Variants in PDE1C observed in about 807,000 individuals in gnomAD.
PDE1C encodes the protein dual specificity calcium/calmodulin-dependent 3',5'-cyclic nucleotide phosphodiesterase 1C.
Under a neutral mutation model 93.1 loss-of-function variants are expected in PDE1C, and 62 were observed. The ratio of observed to expected loss-of-function variants is 0.67; its 90% CI spans 0.54 to 0.82. PDE1C has a LOEUF of 0.82. Among genes scored for constraint, PDE1C ranks in the 40% least tolerant of loss-of-function variants. The probability of loss-of-function intolerance (pLI) is 0.00; values close to 1 mark genes in which losing one functional copy is unlikely to be tolerated. For missense variants in PDE1C, 742 were observed against 884.6 expected (o/e 0.84, Z 2.04); for synonymous variants, 325 against 310.1 (o/e 1.05, Z -0.50).
chr7:31,759,048 G>A (rs1218137754), intron 17 of PDE1C, among the ~76,000 whole-genome samples: 2 of 152,208 alleles, frequency 1.3e-5, no homozygotes, highest in Non-Finnish European at 2.9e-5. Flanking sequence ...TGCAAATAGA[G>A]TTGAACCTGC....
chr7:31,826,302 T>C (rs769665648), intron 12 of PDE1C, among the ~76,000 whole-genome samples: 5 of 152,190 alleles, frequency 3.3e-5, no homozygotes, highest in Admixed American at 6.5e-5. Context: ...TCCTACAATG[T>C]AATTGACAAA....
At chr7:32,381,980 TA>T (rs1477184677) in intron 1 of PDE1C, among the ~76,000 whole-genome samples, 2 of 152,208 alleles carry the variant, frequency 1.3e-5, no homozygotes, top group East Asian at 3.8e-4. Flanking sequence ...CGAGCATTTT[TA>T]CATAAATTAA....
At position 31,837,952 on chromosome 7, in the gene PDE1C, T is replaced by C; in HGVS notation, c.1000A>G (p.Ile334Val). The change falls in exon 10 of 18, where the codon ATT (isoleucine) becomes GTT (valine). Residue 334 changes from isoleucine to valine, a missense_variant. Ile to Val is a conservative substitution (Grantham distance 29). Coordinates refer to ENST00000396191, the MANE Select transcript of PDE1C (RefSeq NM_001191057.4). The stretch of plus-strand genomic sequence containing the variant: ...ATATCTGTGGCCATCACCATTTCAA[T>C]TACCAAGGTTCGAAACTCCCTTTTA... ...DDWREFRTLV[I>V]EMVMATDMSC... The C allele has an allele frequency of 1.2e-6, 2 of 1,612,858 alleles. No homozygotes were observed. The highest frequency in any genetic ancestry group is 1.7e-6 in the Non-Finnish European group (2 of 1,178,932).
chr7:31,834,750 C>T (rs993552611), intron 11 of PDE1C, among the ~76,000 whole-genome samples: 3 of 151,780 alleles, frequency 2.0e-5, no homozygotes, highest in Non-Finnish European at 2.9e-5. Context: ...GATGAGACTT[C>T]GAACTGTGGA....
At chr7:31,996,021 C>T (rs185655002) in intron 2 of PDE1C, among the ~76,000 whole-genome samples, 21 of 151,624 alleles carry the variant, frequency 1.4e-4, no homozygotes, top group African/African-American at 5.1e-4. Flanking sequence ...AGGAAGCTTC[C>T]ACTCTGTGCC....
At chr7:31,827,073 T>C (rs1473415364) in intron 12 of PDE1C, among the ~76,000 whole-genome samples, 1 of 152,212 alleles carries the variant, frequency 6.6e-6, no homozygotes, top group African/African-American at 2.4e-5. Context: ...AGATATGCCC[T>C]CATTTCCTAC....
intron 9 of PDE1C, among the ~76,000 whole-genome samples, chr7:31,845,313 C>T (rs1205356651): frequency 1.3e-5 from 2 of 152,074 alleles, no homozygotes; most frequent in Admixed American, 1.3e-4. Context: ...TTTTCCTGAT[C>T]TTTATATGTC....
chr7:32,072,303 G>A (rs576719128), upstream of PDE1C, among the ~76,000 whole-genome samples: 3 of 152,280 alleles, frequency 2.0e-5, no homozygotes, highest in South Asian at 6.2e-4. Context: ...ATCTGAAGTC[G>A]CCCCATTAAA....
chr7:32,198,857 C>A (rs1804800203), intron 2 of PDE1C, among the ~76,000 whole-genome samples: 1 of 152,138 alleles, frequency 6.6e-6, no homozygotes. Flanking sequence ...GTGGTTCATG[C>A]CTATAACCCA....
At chr7:31,994,044 G>T (rs1479973383) in intron 2 of PDE1C, among the ~76,000 whole-genome samples, 2 of 152,050 alleles carry the variant, frequency 1.3e-5, no homozygotes, top group East Asian at 3.9e-4. Context: ...ATCAGTGTTG[G>T]AGTCTAATAT....
At chr7:32,367,228 T>A (rs1784245701) in intron 1 of PDE1C, among the ~76,000 whole-genome samples, 1 of 152,176 alleles carries the variant, frequency 6.6e-6, no homozygotes, top group Non-Finnish European at 1.5e-5. Context: ...CATGAAAGCA[T>A]GTGAAACTAT....
At chr7:32,047,342 C>G (rs1792744603) in intron 2 of PDE1C, among the ~76,000 whole-genome samples, 1 of 152,138 alleles carries the variant, frequency 6.6e-6, no homozygotes, top group African/African-American at 2.4e-5. Context: ...TTCTGCAAAT[C>G]TCTTGGAATG....
chr7:32,116,185 G>A (rs1798975921), intron 3 of PDE1C, among the ~76,000 whole-genome samples: 1 of 152,212 alleles, frequency 6.6e-6, no homozygotes, highest in Non-Finnish European at 1.5e-5. Context: ...GAAACTTCAT[G>A]TGATGATTTT....
the PDE1C span, among the ~76,000 whole-genome samples, chr7:31,671,159 C>T: frequency 6.6e-6 from 1 of 152,174 alleles, no homozygotes; most frequent in Non-Finnish European, 1.5e-5. Flanking sequence ...GGCTGCCACA[C>T]TGACCCTTCA....
chr7:32,205,618 G>C (rs73106510), intron 2 of PDE1C, among the ~76,000 whole-genome samples: 8 of 152,082 alleles, frequency 5.3e-5, no homozygotes, highest in African/African-American at 9.6e-5. Context: ...CAGCCAACCC[G>C]TTTGGGTCTG....
the PDE1C span, chr7:31,695,660 C>G: frequency 6.4e-7 from 1 of 1,558,358 alleles, no homozygotes; most frequent in Non-Finnish European, 8.7e-7. Context: ...TAAAGGAGAG[C>G]CACTTGCCAC....
intron 1 of PDE1C, among the ~76,000 whole-genome samples, chr7:32,274,604 T>G (rs6462349): frequency 0.99 from 150,301 of 152,192 alleles, 74,254 homozygotes; most frequent in Middle Eastern, 1. Flanking sequence ...TAAATCAGGG[T>G]TTAAGGACTG....
the PDE1C span, among the ~76,000 whole-genome samples, chr7:31,689,291 C>T: frequency 6.6e-6 from 1 of 152,116 alleles, no homozygotes; most frequent in Non-Finnish European, 1.5e-5. Context: ...GAAAACACCC[C>T]CAAATGTGAA....
At chr7:31,824,632 C>A (rs1652253673) in intron 13 of PDE1C, among the ~76,000 whole-genome samples, 1 of 152,108 alleles carries the variant, frequency 6.6e-6, no homozygotes, top group African/African-American at 2.4e-5. Flanking sequence ...GGGGGCAGCA[C>A]CAGGTGCCTG....
Sources: gnomAD v4.1 joint callset for allele counts (sites outside exome capture counted in the v4.1 genomes callset) on GRCh38, gnomAD v4.1.1 for gene constraint, MANE v1.5 for transcripts, NCBI Gene and HGNC (gene_info 2026-07-23, HGNC 2026-07-21) for gene names.